The following RAB11FIP1 variants were observed in gnomAD, a reference collection of about 807,000 sequenced individuals.
RAB11FIP1 encodes RAB11 family interacting protein 1.
Under a neutral mutation model 83.1 loss-of-function variants are expected in RAB11FIP1, and 49 were observed. The observed-to-expected ratio is 0.59, with a 90% confidence interval of 0.47 to 0.75. The LOEUF (loss-of-function observed/expected upper bound fraction) is 0.75, where lower values mean the gene tolerates loss of function less well. Ranked by LOEUF, RAB11FIP1 falls within the 30% of genes least tolerant of loss-of-function variation. RAB11FIP1 has a pLI of 0.00. For synonymous variants in RAB11FIP1, 670 were observed against 656.0 expected, an observed-to-expected ratio of 1.02 and a Z score of -0.33; for missense variants, 1,536 against 1,598.7, an observed-to-expected ratio of 0.96 and a Z score of 0.67.
chr8:37,874,929 A>C lies in RAB11FIP1; in HGVS notation c.1208T>G (p.Leu403Arg). 6.2e-7 allele frequency: 1 copy of C among 1,614,122 alleles called. No individual in the cohort carries two copies. The highest frequency in any genetic ancestry group is 8.5e-7 in the Non-Finnish European group (1 of 1,180,014). Reference sequence around the variant, plus strand: ...GTTTTCCCTGAGGTCCCCACTGACCAGTGGGGCAGGTCGGTAGGACGGCAG... The same window carrying C: ...GTTTTCCCTGAGGTCCCCACTGACCCGTGGGGCAGGTCGGTAGGACGGCAG... ...MTLPSYRPAP[L>R]VSGDLRENMA... Residue 403 changes from leucine (L) to arginine (R), a missense_variant, in exon 3 of 6, where the codon CTG becomes CGG. Coordinates refer to ENST00000330843, the MANE Select transcript of RAB11FIP1 (RefSeq NM_001002814.3).
chr8:37,879,569 T>C (rs532542341), intron 1 of RAB11FIP1, among the ~76,000 whole-genome samples: 5 of 152,110 alleles, frequency 3.3e-5, no homozygotes, highest in South Asian at 2.1e-4. Flanking sequence ...CTTAATGACA[T>C]TGAACTGCAC....
Position 37,875,253 on chromosome 8 carries a change from T to C in RAB11FIP1, c.884A>G (p.Lys295Arg). 1.9e-6 allele frequency: 3 copies of C among 1,613,930 alleles called. No homozygotes were observed. The highest frequency in any genetic ancestry group is 1.7e-4 in the Middle Eastern group (1 of 6,058). ...ACCAAGAAAGGAAAGTCCTTCCTTC[T>C]TGGGAAGGGTAAAGTTGACCTGGTT... The part of the protein sequence containing the change: ...QLNQVNFTLP[K>R]KEGLSFLGGL... Residue 295 changes from lysine to arginine, a missense_variant, in exon 3 of 6, where the codon AAG (lysine) becomes AGG (arginine). Physicochemically the swap from Lys to Arg is conservative, Grantham distance 26 (BLOSUM62 2). Coordinates refer to ENST00000330843, the MANE Select transcript of RAB11FIP1 (RefSeq NM_001002814.3).
chr8:37,888,670 G>A (rs778528997), intron 1 of RAB11FIP1, among the ~76,000 whole-genome samples: 1 of 151,582 alleles, frequency 6.6e-6, no homozygotes, highest in Non-Finnish European at 1.5e-5. Context: ...TAGAGACAGG[G>A]TCTCATCATG....
intron 4 of RAB11FIP1, 136 bp from the exon 5 acceptor site, chr8:37,870,664 G>A: frequency 1.8e-6 from 1 of 570,828 alleles, no homozygotes; most frequent in Non-Finnish European, 3.1e-6. Context: ...CTGGGCCAAA[G>A]CACTCCAATG....
chr8:37,877,551 C>T lies in RAB11FIP1; in HGVS notation c.372G>A (p.Gln124=). The change falls in exon 2 of 6, where the codon CAG becomes CAA. Residue 124 remains glutamine (Q), a splice_region_variant and synonymous_variant. Coordinates refer to ENST00000330843, the MANE Select transcript of RAB11FIP1 (RefSeq NM_001002814.3). ...CTGGTTTGGATTTCAACTTATACCA[C>T]CTGAAAGGAGAAAGGCTGAGGAGTT... The part of the protein sequence containing the change: ...LHRDQGRRKT[Q]WYKLKSKPGK... The T allele has an allele frequency of 1.3e-6, 2 of 1,596,398 alleles. No individual in the cohort carries two copies. Among genetic ancestry groups the T allele is most frequent in the Non-Finnish European group, 1.7e-6 (2 of 1,174,552 alleles).
In RAB11FIP1 at chr8:37,861,923, C is replaced by T; in HGVS notation, c.*972G>A. On this transcript the variant is annotated 3_prime_UTR_variant, in exon 6 of 6. Transcript: ENST00000330843. The stretch of plus-strand genomic sequence containing the variant: ...TTCTTCATCTTGGGGAGTTGGTGGA[C>T]CCTGTCTCTGCCCCTTACAAGGAGT... The T allele has an allele frequency of 4.4e-6, 1 of 229,226 alleles. No individual in the cohort carries two copies. The highest frequency in any genetic ancestry group is 8.8e-6 in the Non-Finnish European group (1 of 113,346). The allele number at this position is 229,226 out of a possible 1,614,324, so 14.2% of individuals were successfully genotyped here. A position where few individuals can be genotyped will look rare whatever the true frequency, so the allele number is the denominator to read the frequency against.
chr8:37,883,875 T>C (rs544706310), intron 1 of RAB11FIP1, among the ~76,000 whole-genome samples: 1 of 152,266 alleles, frequency 6.6e-6, no homozygotes, highest in South Asian at 2.1e-4. Context: ...AGAGCCATAA[T>C]CCCAATGTAG....
Position 37,880,013 on chromosome 8 carries a change from A to C in RAB11FIP1, c.372-2462T>G, listed in dbSNP as rs536015226. On this transcript the variant is annotated intron_variant, in intron 1 of 5. Transcript: ENST00000330843. ...AAAAGTCACATTTCAAACACTATCC[A>C]AGAATTACACTTGGTCATTTGCAAC... Among the ~76,000 whole-genome samples the C allele has an allele frequency of 4.6e-4, 70 of 152,362 alleles. 1 individual carries two copies. The highest frequency in any genetic ancestry group is 4.9e-4 in the Non-Finnish European group (33 of 68,032).
Position 37,858,673 on chromosome 8 carries a change from G to A in RAB11FIP1, c.*4222C>T, listed in dbSNP as rs1191319217. On this transcript the variant is annotated 3_prime_UTR_variant, in exon 6 of 6. Transcript: ENST00000330843. ...AGGGTACCGGCTGCAAAGGAAAAGG[G>A]GGCAGCACGTTCCAACTCAGTTTCT... The A allele has an allele frequency of 6.6e-6, 1 of 152,260 alleles. No individual in the cohort carries two copies. Among genetic ancestry groups the A allele is most frequent in the Non-Finnish European group, 1.5e-5 (1 of 68,096 alleles). The allele number at this position is 152,260 out of a possible 1,614,324, so 9.4% of individuals were successfully genotyped here.
intron 1 of RAB11FIP1, chr8:37,877,855 G>T (rs1483423239): frequency 4.3e-6 from 1 of 233,426 alleles, no homozygotes; most frequent in Non-Finnish European, 8.3e-6. Flanking sequence ...GAGTAGCTGA[G>T]ATTACAGGAG....
chr8:37,862,803 G>C lies in RAB11FIP1; in HGVS notation c.*92C>G. 1 of 949,774 alleles carries C rather than the reference G, an allele frequency of 1.1e-6. No homozygotes were observed. The highest frequency in any genetic ancestry group is 1.5e-5 in the South Asian group (1 of 64,998). The allele number at this position is 949,774 out of a possible 1,614,324, so 58.8% of individuals were successfully genotyped here. A position where few individuals can be genotyped will look rare whatever the true frequency, so the allele number is the denominator to read the frequency against. Reference sequence around the variant, plus strand: ...TGAGGGAGATGGTGATTCGGAGCCTGCTGGCTGGTTATCAGGCAAGGCAAG... The same window carrying C: ...TGAGGGAGATGGTGATTCGGAGCCTCCTGGCTGGTTATCAGGCAAGGCAAG... On this transcript the variant is annotated 3_prime_UTR_variant, in exon 6 of 6. Coordinates refer to ENST00000330843, the MANE Select transcript of RAB11FIP1 (RefSeq NM_001002814.3).
Position 37,863,078 on chromosome 8 carries a change from C to T in RAB11FIP1, c.3669G>A (p.Ala1223=), listed in dbSNP as rs149837227. ...YSPSDPAFAY[A]QLTHDELIQL... is the part of the protein sequence containing the mutation. Reference sequence around the variant, plus strand: ...GAATCAGCTCATCGTGGGTCAGCTGCGCATATGCAAATGCAGGGTCCGAGG... The same window carrying T: ...GAATCAGCTCATCGTGGGTCAGCTGTGCATATGCAAATGCAGGGTCCGAGG... The change falls in exon 6 of 6, where the codon GCG becomes GCA. Residue 1223 remains alanine, a synonymous_variant. Coordinates refer to ENST00000330843, the MANE Select transcript of RAB11FIP1 (RefSeq NM_001002814.3). 1,558 of 1,611,928 alleles carry T rather than the reference C, an allele frequency of 9.7e-4. No individual in the cohort carries two copies. The highest frequency in any genetic ancestry group is 1.2e-3 in the Non-Finnish European group (1,433 of 1,179,906).
At chr8:37,878,397 G>A (rs892518434) in intron 1 of RAB11FIP1, among the ~76,000 whole-genome samples, 1 of 151,496 alleles carries the variant, frequency 6.6e-6, no homozygotes, top group African/African-American at 2.4e-5. Flanking sequence ...AGCCGGGTGT[G>A]GTGGCAGGCG....
In RAB11FIP1 at chr8:37,863,234, T is replaced by TTTTCTTTCTTTCTTTC. The variant is rs57240247; in HGVS notation, c.3634-137_3634-122dup. The TTTTCTTTCTTTCTTTC allele has an allele frequency of 2.0e-4, 118 of 592,506 alleles. No individual in the cohort carries two copies. The African/African-American group carries it at 2.0e-3, about 10-fold the overall frequency. The allele number at this position is 592,506 out of a possible 1,614,324, so 36.7% of individuals were successfully genotyped here. A position where few individuals can be genotyped will look rare whatever the true frequency, so the allele number is the denominator to read the frequency against. ...GTGATCTGGGTCTCTTGGGAATCCA[T>TTTTCTTTCTTTCTTTC]TTTCTTTCTTTCTTTCTTTCTTTCT... is the stretch of plus-strand genomic sequence containing the variant. On this transcript the variant is annotated intron_variant, in intron 5 of 5. Transcript: ENST00000330843.
chr8:37,892,423 TTATATTTA>T (rs1208492694), intron 1 of RAB11FIP1, among the ~76,000 whole-genome samples: 1 of 138,794 alleles, frequency 7.2e-6, no homozygotes, highest in Non-Finnish European at 1.6e-5. Context: ...CTACTTTTAT[TTATATTTA>T]TTTATTTATT....
At chr8:37,883,716 CATAAATA>C (rs1806768814) in intron 1 of RAB11FIP1, among the ~76,000 whole-genome samples, 1 of 152,144 alleles carries the variant, frequency 6.6e-6, no homozygotes, top group African/African-American at 2.4e-5. Flanking sequence ...AGAAGTAGCT[CATAAATA>C]ATAAAGTCCC....
intron 1 of RAB11FIP1, among the ~76,000 whole-genome samples, chr8:37,879,137 G>A (rs571401988): frequency 2.0e-5 from 3 of 151,544 alleles, no homozygotes; most frequent in South Asian, 2.1e-4. Context: ...GCGAAACCCC[G>A]TCTCTACTAA....
At position 37,862,737 on chromosome 8, in the gene RAB11FIP1, C is replaced by T; in HGVS notation, c.*158G>A. On this transcript the variant is annotated 3_prime_UTR_variant, in exon 6 of 6. Coordinates refer to ENST00000330843, the MANE Select transcript of RAB11FIP1 (RefSeq NM_001002814.3). ...TAAAAGATTAATTGTAATCATTAAC[C>T]TGGCTTCCATTGGTAGAATTCACTC... 1 of 612,830 alleles carries T rather than the reference C, an allele frequency of 1.6e-6. No homozygotes were observed. The highest frequency in any genetic ancestry group is 2.7e-5 in the East Asian group (1 of 36,572). The allele number at this position is 612,830 out of a possible 1,614,324, so 38.0% of individuals were successfully genotyped here.
intron 2 of RAB11FIP1, among the ~76,000 whole-genome samples, chr8:37,876,440 T>C (rs1806612900): frequency 6.6e-6 from 1 of 151,364 alleles, no homozygotes. Flanking sequence ...AAAAAAAAAT[T>C]TTTTTTAATT....
Sources: gnomAD v4.1 joint callset for allele counts (sites outside exome capture counted in the v4.1 genomes callset) on GRCh38, gnomAD v4.1.1 for gene constraint, MANE v1.5 for transcripts, NCBI Gene and HGNC (gene_info 2026-07-23, HGNC 2026-07-21) for gene names.